ABCB5: variants seen among roughly 807,000 people sequenced by gnomAD.
The protein encoded by ABCB5 is ATP binding cassette subfamily B member 5.
A neutral mutation model predicts 144.2 loss-of-function variants in ABCB5; 155 were observed. The observed-to-expected ratio is 1.08, with a 90% CI of 0.94 to 1.23. The LOEUF (loss-of-function observed/expected upper bound fraction) is 1.23. Ranked by LOEUF, ABCB5 falls within the 50% of genes most tolerant of loss-of-function variation. ABCB5 has a pLI of 0.00. For synonymous variants in ABCB5, 610 were observed against 528.6 expected, an observed-to-expected ratio of 1.15 and a Z score of -2.11; for missense variants, 1,830 against 1,520.8, an observed-to-expected ratio of 1.20 and a Z score of -3.38.
intron 14 of ABCB5, among the ~76,000 whole-genome samples, chr7:20,678,830 A>G (rs1373797799): frequency 6.6e-6 from 1 of 152,312 alleles, no homozygotes; most frequent in African/African-American, 2.4e-5. Context: ...ACACAAAACA[A>G]TTGTCACCTG....
At position 20,724,649 on chromosome 7, in the gene ABCB5, A is replaced by AG. The variant is rs56403139; in HGVS notation, c.2625+1433dup. ...GTCTCAAAAAAAAAAAAAAAAAAAA[A>AG]GGGTGTTCCTCTCCTAATACTGTTT... On this transcript the variant is annotated intron_variant, in intron 21 of 27. Coordinates refer to ENST00000404938, the MANE Select transcript of ABCB5 (RefSeq NM_001163941.2). Among the ~76,000 whole-genome samples the AG allele has an allele frequency of 1.0e-3, 140 of 139,428 alleles. 9 individuals are homozygous for AG. Among genetic ancestry groups the AG allele is most frequent in the East Asian group, 1.9e-3 (9 of 4,670 alleles). 91.5% of individuals were successfully genotyped at this position (139,428 alleles called of 152,430 possible).
chr7:20,688,114 A>G (rs1786063291), intron 16 of ABCB5, among the ~76,000 whole-genome samples: 3 of 151,714 alleles, frequency 2.0e-5, no homozygotes, highest in African/African-American at 7.3e-5. Context: ...AATTGCTTGA[A>G]TCCGGGAGGC....
intron 22 of ABCB5, 31 bp downstream of exon 22, chr7:20,727,171 C>T: frequency 3.2e-6 from 5 of 1,558,250 alleles, no homozygotes; most frequent in Non-Finnish European, 4.4e-6. Context: ...ACTTCAAAAA[C>T]TTAATTTTGT....
Position 20,665,965 on chromosome 7 carries a change from T to C in ABCB5, c.1707+7289T>C, listed in dbSNP as rs988415060. Among the ~76,000 whole-genome samples, 3 of 143,118 alleles carry C rather than the reference T, an allele frequency of 2.1e-5. 1 individual carries two copies. In the East Asian group the frequency reaches 6.1e-4, roughly 29 times the overall value. The allele number at this position is 143,118 out of a possible 152,430, so 93.9% of individuals were successfully genotyped here. On this transcript the variant is annotated intron_variant, in intron 14 of 27. Transcript: ENST00000404938. ...CAGGCGGATCACCTAAGGTCAGGAG[T>C]TTGAGACCAGCCTGACCAACATGGA...
intron 5 of ABCB5, among the ~76,000 whole-genome samples, chr7:20,639,400 G>A (rs900806038): frequency 6.6e-6 from 1 of 152,024 alleles, no homozygotes; most frequent in East Asian, 1.9e-4. Context: ...TGCACTTTTG[G>A]GTGTGGGAAT....
rs139378066 is a variant in ABCB5, at chr7:20,723,034, G to A, written c.2440G>A (p.Gly814Ser). 5 of 1,614,002 alleles carry A rather than the reference G, an allele frequency of 3.1e-6. No individual in the cohort carries two copies. Among genetic ancestry groups the A allele is most frequent in the Non-Finnish European group, 4.2e-6 (5 of 1,179,998 alleles). The change falls in exon 21 of 28, where the codon GGC (glycine) becomes AGC (serine). Residue 814 changes from glycine to serine, a missense_variant. Coordinates refer to ENST00000404938, the MANE Select transcript of ABCB5 (RefSeq NM_001163941.2). The part of the protein sequence containing the change: ...QIQGATGSRI[G>S]VLTQNATNMG... ...ATTATAGGCAACAGGTTCCAGGATT[G>A]GCGTCTTAACACAAAATGCAACTAA...
intron 1 of ABCB5, 64 bp from the exon 2 acceptor site, chr7:20,623,201 C>T (rs1426783511): frequency 6.3e-6 from 6 of 947,518 alleles, no homozygotes; most frequent in Non-Finnish European, 9.9e-6. Context: ...GTAAAGAATG[C>T]TGTATATCAA....
At chr7:20,693,266 T>C (rs1345301048) in intron 16 of ABCB5, among the ~76,000 whole-genome samples, 1 of 152,028 alleles carries the variant, frequency 6.6e-6, no homozygotes, top group Non-Finnish European at 1.5e-5. Flanking sequence ...ACTGGAAGGC[T>C]GATATAGGAG....
chr7:20,669,739 A>AAAAAG lies in ABCB5; in HGVS notation c.1707+11068_1707+11072dup, dbSNP rs1554282935. ...AATGATCAATAAAAAAAAAAAAAAAAAAAAGAAAATAACATTCGTAACTTT... is the reference window on the plus strand; with the variant it reads ...AATGATCAATAAAAAAAAAAAAAAAAAAAAGAAAAGAAAATAACATTCGTAACTTT... On this transcript the variant is annotated intron_variant, in intron 14 of 27. Transcript: ENST00000404938. 2.4e-3 allele frequency among the ~76,000 whole-genome samples: 316 copies of AAAAAG among 132,134 alleles called. 4 individuals are homozygous for AAAAAG. The highest frequency in any genetic ancestry group is 5.3e-3 in the East Asian group (24 of 4,490). The allele number at this position is 132,134 out of a possible 152,430, so 86.7% of individuals were successfully genotyped here.
chr7:20,636,415 A>G (rs1784156059), intron 5 of ABCB5, among the ~76,000 whole-genome samples: 1 of 152,148 alleles, frequency 6.6e-6, no homozygotes, highest in Admixed American at 6.5e-5. Context: ...CTAAATTTAT[A>G]AGGAAACATA....
chr7:20,744,834 T>C (rs1782670783), intron 25 of ABCB5, among the ~76,000 whole-genome samples: 1 of 152,054 alleles, frequency 6.6e-6, no homozygotes, highest in African/African-American at 2.4e-5. Context: ...TGACCACTAT[T>C]TCCCTGGTAC....
In ABCB5 at chr7:20,692,756, G is replaced by A. The variant is rs188452133; in HGVS notation, c.2011-5651G>A. ...AGAAACTAAAGTATTATATTTTAAG[G>A]TTCCTAAGTGGTATATAACATTGTC... On this transcript the variant is annotated intron_variant, in intron 16 of 27. Coordinates refer to ENST00000404938, the MANE Select transcript of ABCB5 (RefSeq NM_001163941.2). 2.6e-3 allele frequency among the ~76,000 whole-genome samples: 390 copies of A among 152,088 alleles called. 2 individuals are homozygous for A. Among genetic ancestry groups the A allele is most frequent in the Non-Finnish European group, 4.1e-3 (280 of 67,956 alleles).
chr7:20,700,214 C>A, intron 19 of ABCB5, 79 bp downstream of exon 19: 2 of 1,217,896 alleles, frequency 1.6e-6, no homozygotes, highest in South Asian at 1.6e-5. Flanking sequence ...TGTCTCAAGT[C>A]AATTTTTGAC....
chr7:20,641,362 C>T (rs1410714191), intron 5 of ABCB5, among the ~76,000 whole-genome samples: 1 of 151,884 alleles, frequency 6.6e-6, no homozygotes, highest in Non-Finnish European at 1.5e-5. Flanking sequence ...AACACACACA[C>T]ACACACACAC....
intron 1 of ABCB5, among the ~76,000 whole-genome samples, chr7:20,617,181 T>C (rs905550587): frequency 1.3e-5 from 2 of 152,192 alleles, no homozygotes; most frequent in Non-Finnish European, 2.9e-5. Flanking sequence ...ACAGCAAAGA[T>C]GTCTAGGCTG....
chr7:20,751,425 C>T (rs1189493377), intron 26 of ABCB5, among the ~76,000 whole-genome samples: 3 of 152,008 alleles, frequency 2.0e-5, no homozygotes, highest in East Asian at 3.9e-4. Context: ...GAGCCGAGAT[C>T]GCGTCACTGC....
Position 20,674,749 on chromosome 7 carries a change from T to TAAAC in ABCB5, c.1708-6755_1708-6754insAACA, listed in dbSNP as rs1554283408. On this transcript the variant is annotated intron_variant, in intron 14 of 27. Transcript: ENST00000404938. ...CTTAAAATTTGAAAACTCTAAAGAC[T>TAAAC]ACACACACACACACACACACACACA... is the stretch of plus-strand genomic sequence containing the variant. 2.2e-4 allele frequency among the ~76,000 whole-genome samples: 31 copies of TAAAC among 140,348 alleles called. 1 individual carries two copies. Among genetic ancestry groups the TAAAC allele is most frequent in the African/African-American group, 7.3e-4 (28 of 38,176 alleles). 92.1% of individuals were successfully genotyped at this position (140,348 alleles called of 152,430 possible). A position where few individuals can be genotyped will look rare whatever the true frequency, so the allele number is the denominator to read the frequency against.
At chr7:20,630,115 C>G (rs1784006794) in intron 4 of ABCB5, among the ~76,000 whole-genome samples, 1 of 152,086 alleles carries the variant, frequency 6.6e-6, no homozygotes. Context: ...TTCCTATGCA[C>G]TGATGTAATG....
At chr7:20,648,168 C>CT in intron 11 of ABCB5, 90 bp downstream of exon 11, 2 of 815,444 alleles carry the variant, frequency 2.5e-6, no homozygotes, top group East Asian at 2.7e-5. Flanking sequence ...CTTAGGATCA[C>CT]TTTTTTCCAA....
Sources: gnomAD v4.1 joint callset for allele counts (sites outside exome capture counted in the v4.1 genomes callset) on GRCh38, gnomAD v4.1.1 for gene constraint, MANE v1.5 for transcripts, NCBI Gene and HGNC (gene_info 2026-07-23, HGNC 2026-07-21) for gene names.